The following ABCB7 variants were observed in gnomAD, a reference collection of about 807,000 sequenced individuals.
The protein encoded by ABCB7 is ATP binding cassette subfamily B member 7.
Under a neutral mutation model 54.4 loss-of-function variants are expected in ABCB7, and 7 were observed. The ratio of observed to expected loss-of-function variants is 0.13; its 90% CI spans 0.07 to 0.24. The LOEUF (loss-of-function observed/expected upper bound fraction) is 0.24. Among genes scored for constraint, ABCB7 ranks in the 10% least tolerant of loss-of-function variants. The pLI, the probability that ABCB7 is intolerant of heterozygous loss-of-function variation, is 1.00. For synonymous variants in ABCB7, 218 were observed against 207.1 expected (o/e 1.05, Z -0.45); for missense variants, 356 against 570.4 (o/e 0.62, Z 3.83).
At chrX:75,151,851 C>G (rs1308066799) in intron 1 of ABCB7, among the ~76,000 whole-genome samples, 1 of 111,931 alleles carries the variant, frequency 8.9e-6, no homozygotes, top group East Asian at 2.8e-4. Context: ...CCTTTGCACA[C>G]CAGTTATTTC....
intron 4 of ABCB7, among the ~76,000 whole-genome samples, chrX:75,082,892 G>T: frequency 9.0e-6 from 1 of 110,983 alleles, no homozygotes; most frequent in Non-Finnish European, 1.9e-5. Context: ...AACATAAAAG[G>T]TGACAGTAAA....
At chrX:75,148,240 AAGGTC>A (rs1054135264) in intron 1 of ABCB7, among the ~76,000 whole-genome samples, 6 of 112,460 alleles carry the variant, frequency 5.3e-5, no homozygotes, top group African/African-American at 1.9e-4. Context: ...CCTACTCAAA[AAGGTC>A]AGTTCATCAA....
intron 1 of ABCB7, among the ~76,000 whole-genome samples, chrX:75,141,770 C>A (rs894605154): frequency 9.0e-6 from 1 of 110,985 alleles, no homozygotes. Flanking sequence ...TGACAAACCG[C>A]CCTCCAGAAA....
At chrX:75,132,046 G>A (rs186537293) in intron 1 of ABCB7, among the ~76,000 whole-genome samples, 120 of 111,510 alleles carry the variant, frequency 1.1e-3, no homozygotes, top group African/African-American at 3.8e-3. Flanking sequence ...CACCAGGCAG[G>A]GCCCCGGGCT....
At chrX:75,094,435 G>A (rs778769289) in intron 4 of ABCB7, among the ~76,000 whole-genome samples, 8 of 111,937 alleles carry the variant, frequency 7.1e-5, no homozygotes, top group Non-Finnish European at 1.3e-4. Flanking sequence ...TAGGTTGGCC[G>A]GGAGTGGTGG....
At chrX:75,102,521 A>G (rs994132076) in intron 3 of ABCB7, among the ~76,000 whole-genome samples, 4 of 111,779 alleles carry the variant, frequency 3.6e-5, no homozygotes, top group Non-Finnish European at 5.7e-5. Flanking sequence ...TTTGTAGACT[A>G]AGAGTATTCC....
At chrX:75,090,839 A>G (rs1436258596) in intron 4 of ABCB7, among the ~76,000 whole-genome samples, 1 of 111,528 alleles carries the variant, frequency 9.0e-6, no homozygotes. Context: ...GAGGGATAGT[A>G]TGAGCAACTC....
intron 14 of ABCB7, among the ~76,000 whole-genome samples, chrX:75,061,268 A>G (rs937153627): frequency 9.0e-5 from 10 of 110,524 alleles, no homozygotes; most frequent in African/African-American, 1.3e-4. Flanking sequence ...TCTTCTAATA[A>G]CTCCTCCCCT....
rs989971283 is a variant in ABCB7, at chrX:75,089,696, G to A, written c.453+9246C>T. On this transcript the variant is annotated intron_variant, in intron 4 of 15. Coordinates refer to ENST00000373394, the MANE Select transcript of ABCB7 (RefSeq NM_001271696.3). ...ATGAACAGAAAACAGTTACACATAT[G>A]GTCAATATTAATCCAACAATATCAG... 4.5e-5 allele frequency among the ~76,000 whole-genome samples: 5 copies of A among 110,556 alleles called. No individual in the cohort carries two copies. The Admixed American group carries it at 4.8e-4, about 11-fold the overall frequency.
chrX:75,101,051 G>A (rs1200976316), intron 3 of ABCB7, among the ~76,000 whole-genome samples: 1 of 81,821 alleles, frequency 1.2e-5, no homozygotes, highest in African/African-American at 4.1e-5. Flanking sequence ...ATATTTTTGT[G>A]GGAAAAAATG....
chrX:75,071,714 A>T, intron 8 of ABCB7, 31 bp from the exon 9 acceptor site: 1 of 988,808 alleles, frequency 1.0e-6, no homozygotes, highest in Non-Finnish European at 1.4e-6. Context: ...ACTATAGGCA[A>T]GTATAATTAG....
chrX:75,100,427 T>A (rs1308584559), intron 3 of ABCB7, among the ~76,000 whole-genome samples: 3 of 111,145 alleles, frequency 2.7e-5, no homozygotes, highest in Non-Finnish European at 5.7e-5. Flanking sequence ...TTTCAGTGCT[T>A]AGGCCACACT....
chrX:75,092,190 G>A, intron 4 of ABCB7, among the ~76,000 whole-genome samples: 1 of 111,354 alleles, frequency 9.0e-6, no homozygotes, highest in Non-Finnish European at 1.9e-5. Flanking sequence ...TGAAGCTACA[G>A]TAATCCTGAC....
At chrX:75,112,251 A>G (rs1275105280) in intron 3 of ABCB7, among the ~76,000 whole-genome samples, 1 of 111,851 alleles carries the variant, frequency 8.9e-6, no homozygotes, top group East Asian at 2.8e-4. Context: ...AATAACATGT[A>G]TATACTGATT....
chrX:75,129,219 G>A (rs1204366845), intron 1 of ABCB7, among the ~76,000 whole-genome samples: 1 of 111,676 alleles, frequency 9.0e-6, no homozygotes, highest in Non-Finnish European at 1.9e-5. Context: ...ATGATACACT[G>A]GATAAACAAA....
At chrX:75,134,381 T>C (rs1602406610) in intron 1 of ABCB7, among the ~76,000 whole-genome samples, 2 of 111,913 alleles carry the variant, frequency 1.8e-5, no homozygotes. Context: ...AATAGTGGGA[T>C]GCTTCAACAC....
intron 2 of ABCB7, among the ~76,000 whole-genome samples, chrX:75,113,607 T>C (rs2081781493): frequency 9.0e-6 from 1 of 111,639 alleles, no homozygotes; most frequent in Admixed American, 9.6e-5. Context: ...TACCACAGTA[T>C]CTTACACACG....
chrX:75,121,063 C>T (rs1022213425), intron 1 of ABCB7, among the ~76,000 whole-genome samples: 14 of 109,791 alleles, frequency 1.3e-4, no homozygotes, highest in South Asian at 1.2e-3. Context: ...CTGAGGCGGG[C>T]GGATCACTTG....
chrX:75,094,484 G>A (rs1175132047), intron 4 of ABCB7, among the ~76,000 whole-genome samples: 2 of 111,444 alleles, frequency 1.8e-5, no homozygotes, highest in African/African-American at 6.5e-5. Flanking sequence ...AGGCTGAGGC[G>A]GGCGGATCAC....
Sources: allele counts gnomAD v4.1 joint callset (sites outside exome capture counted in the v4.1 genomes callset), GRCh38; gene constraint gnomAD v4.1.1; transcripts MANE v1.5; gene names NCBI Gene and HGNC (gene_info 2026-07-23, HGNC 2026-07-21).